Variants in LRP6 observed in about 807,000 individuals in gnomAD.
The protein encoded by LRP6 is low-density lipoprotein receptor-related protein 6.
LRP6 carries 43 observed loss-of-function variants against 184.1 expected under a neutral mutation model. The ratio of observed to expected loss-of-function variants is 0.23; its 90% CI spans 0.18 to 0.30. The LOEUF is 0.30. LRP6 is among the 10% of genes least tolerant of loss of function. The pLI is 1.00. For missense variants in LRP6, 1,571 were observed against 2,005.3 expected (o/e 0.78, Z 4.14); for synonymous variants, 719 against 684.9 (o/e 1.05, Z -0.78).
chr12:12,184,082 C>A lies in LRP6; in HGVS notation c.874G>T (p.Gly292Cys), dbSNP rs750252397. The change falls in exon 5 of 23, where the codon GGT (glycine) becomes TGT (cysteine). Residue 292 changes from glycine (G) to cysteine (C), a missense_variant. Physicochemically the swap from Gly to Cys is radical, Grantham distance 159. Transcript: ENST00000261349. Reference protein sequence around the residue: ...ATNPCGIDNGGCSHLCLMSPV... With the variant: ...ATNPCGIDNGCCSHLCLMSPV... ...GACATCAAACACAAATGGGAACAAC[C>A]CCCATTGTCAATTCCACATGGATTT... 6.2e-7 allele frequency: 1 copy of A among 1,613,462 alleles called. No homozygotes were observed. The highest frequency in any genetic ancestry group is 2.2e-5 in the East Asian group (1 of 44,850).
intron 3 of LRP6, among the ~76,000 whole-genome samples, chr12:12,196,041 C>T (rs189387973): frequency 2.0e-4 from 31 of 152,106 alleles, no homozygotes; most frequent in Admixed American, 1.5e-3. Context: ...TCTGTTCCAT[C>T]GGTGTATGTT....
Position 12,203,370 on chromosome 12 carries a change from C to T in LRP6, c.480G>A (p.Val160=), listed in dbSNP as rs1352497913. Residue 160 remains valine, a synonymous_variant, in exon 3 of 23, where the codon GTG becomes GTA. Coordinates refer to ENST00000261349, the MANE Select transcript of LRP6 (RefSeq NM_002336.3). ...GFMYWTDWGE[V]PKIERAGMDG... ...CCATTCCAGCACGTTCTATCTTTGGCACTTCTCCCCAGTCTGTCCAGTACA... is the reference window on the plus strand; with the variant it reads ...CCATTCCAGCACGTTCTATCTTTGGTACTTCTCCCCAGTCTGTCCAGTACA... 6.2e-7 allele frequency: 1 copy of T among 1,613,900 alleles called. No individual in the cohort carries two copies. The highest frequency in any genetic ancestry group is 8.5e-7 in the Non-Finnish European group (1 of 1,179,806).
At position 12,244,392 on chromosome 12, in the gene LRP6, C is replaced by T. The variant is rs368162953; in HGVS notation, c.319G>A (p.Glu107Lys). The change falls in exon 2 of 23, where the codon GAA (glutamate) becomes AAA (lysine). Residue 107 changes from glutamate (E) to lysine (K), a missense_variant. Coordinates refer to ENST00000261349, the MANE Select transcript of LRP6 (RefSeq NM_002336.3). ...PDGLACDWLG[E>K]KLYWTDSETN... ...TCAGAATCTGTCCAGTACAATTTTT[C>T]TCCAAGCCAATCACATGCCAGCCCA... 13 of 1,614,214 alleles carry T rather than the reference C, an allele frequency of 8.1e-6. No homozygotes were observed. The highest frequency in any genetic ancestry group is 1.1e-5 in the Non-Finnish European group (13 of 1,180,036).
Position 12,128,420 on chromosome 12 carries a change from T to C in LRP6, c.4082-1499A>G, listed in dbSNP as rs73053353. Among the ~76,000 whole-genome samples the C allele has an allele frequency of 8.4e-3, 1,282 of 152,356 alleles. 9 individuals carry two copies. Among genetic ancestry groups the C allele is most frequent in the South Asian group, 0.017 (84 of 4,828 alleles). The stretch of plus-strand genomic sequence containing the variant: ...CTCTTCTTACTGTCCTGGGAGATTC[T>C]ATCTACTGTCACAGCTTTCATTATT... On this transcript the variant is annotated intron_variant, in intron 19 of 22. Transcript: ENST00000261349.
intron 2 of LRP6, among the ~76,000 whole-genome samples, chr12:12,217,560 G>C (rs1266233667): frequency 6.6e-6 from 1 of 152,098 alleles, no homozygotes; most frequent in Non-Finnish European, 1.5e-5. Context: ...GTGCCAAAAA[G>C]GTAAGGGACC....
At chr12:12,151,084 T>A in intron 12 of LRP6, 46 bp from the exon 13 acceptor site, 1 of 1,395,392 alleles carries the variant, frequency 7.2e-7, no homozygotes, top group Non-Finnish European at 1.0e-6. Flanking sequence ...TTACCCTACA[T>A]CCTCTATCAT....
intron 7 of LRP6, among the ~76,000 whole-genome samples, chr12:12,170,801 A>T (rs1863015121): frequency 6.9e-6 from 1 of 145,840 alleles, no homozygotes; most frequent in African/African-American, 2.7e-5. Flanking sequence ...TCACACACAC[A>T]CACACACACA....
chr12:12,150,727 C>T, intron 13 of LRP6, 109 bp downstream of exon 13: 3 of 1,144,394 alleles, frequency 2.6e-6, no homozygotes, highest in Non-Finnish European at 4.0e-6. Context: ...CAGTTTCATA[C>T]ACACATACAC....
At chr12:12,190,057 T>G (rs1206982673) in intron 3 of LRP6, among the ~76,000 whole-genome samples, 1 of 152,160 alleles carries the variant, frequency 6.6e-6, no homozygotes, top group Non-Finnish European at 1.5e-5. Flanking sequence ...GGATGCTTGA[T>G]AAAATTAAAT....
At position 12,150,772 on chromosome 12, in the gene LRP6, A is replaced by G. The variant is rs1950070584; in HGVS notation, c.2994+64T>C. The G allele has an allele frequency of 3.2e-6, 5 of 1,544,008 alleles. No individual in the cohort carries two copies. The Admixed American group carries it at 8.3e-5, about 26-fold the overall frequency. ...AGCAGAGTCAAGACTTAAGTGAAAC[A>G]GAGTGGTTGGTGAGTCCAGTTATTA... On this transcript the variant is annotated intron_variant, in intron 13 of 22. Transcript: ENST00000261349.
intron 15 of LRP6, among the ~76,000 whole-genome samples, chr12:12,145,513 CCCCT>C (rs565480325): frequency 7.7e-4 from 111 of 143,848 alleles, no homozygotes; most frequent in African/African-American, 2.3e-3. Flanking sequence ...TCTCCTCTCT[CCCCT>C]CCCTCCCTCC....
chr12:12,266,801 C>T lies in LRP6; in HGVS notation c.-66G>A, dbSNP rs893413830. 6 of 1,355,876 alleles carry T rather than the reference C, an allele frequency of 4.4e-6. No individual in the cohort carries two copies. Among genetic ancestry groups the T allele is most frequent in the Admixed American group, 1.9e-5 (1 of 52,412 alleles). 84.0% of individuals were successfully genotyped at this position (1,355,876 alleles called of 1,614,324 possible). On this transcript the variant is annotated 5_prime_UTR_variant, in exon 1 of 23. Coordinates refer to ENST00000261349, the MANE Select transcript of LRP6 (RefSeq NM_002336.3). ...GCCAGAAGTGGGGGAGGCGAGGAGC[C>T]GGGGCGGCCGCCGCAGCGGCAGGGC...
In LRP6 at chr12:12,154,135, C is replaced by T. The variant is rs1950118176; in HGVS notation, c.2792-3097G>A. 2.0e-5 allele frequency among the ~76,000 whole-genome samples: 3 copies of T among 152,182 alleles called. No homozygotes were observed. The South Asian group carries it at 6.2e-4, about 32-fold the overall frequency. On this transcript the variant is annotated intron_variant, in intron 12 of 22. Transcript: ENST00000261349. ...TACACAATCTGGCTTCCCATTTCCT[C>T]TCTGATCTAATTTCTTTATTCACTT... is the stretch of plus-strand genomic sequence containing the variant.
chr12:12,177,881 CGAAT>C (rs1405213285), intron 7 of LRP6, among the ~76,000 whole-genome samples: 2 of 151,310 alleles, frequency 1.3e-5, no homozygotes, highest in African/African-American at 2.4e-5. Flanking sequence ...ATTAAAAGAA[CGAAT>C]GAATGAAGGA....
At position 12,147,460 on chromosome 12, in the gene LRP6, T is replaced by C. The variant is rs753946248; in HGVS notation, c.3303A>G (p.Leu1101=). 5.0e-6 allele frequency: 8 copies of C among 1,614,096 alleles called. No individual in the cohort carries two copies. The East Asian group carries it at 1.6e-4, about 31-fold the overall frequency. Residue 1101 remains leucine, a synonymous_variant, in exon 15 of 23, where the codon TTA becomes TTG. Transcript: ENST00000261349. ...CAAGGGCTAAAGCAATTGGTTTACT[T>C]AAGCCACTGAAAAAGAGGACCTCCC... ...TEREVLFFSG[L]SKPIALALDS... is the part of the protein sequence containing the mutation.
At chr12:12,249,242 A>C in intron 1 of LRP6, 1 of 901,220 alleles carries the variant, frequency 1.1e-6, no homozygotes, top group Non-Finnish European at 1.8e-6. Flanking sequence ...TAAGATTTGT[A>C]ACAAAAAATT....
At chr12:12,152,518 C>T (rs2136922891) in intron 12 of LRP6, among the ~76,000 whole-genome samples, 1 of 152,218 alleles carries the variant, frequency 6.6e-6, no homozygotes, top group East Asian at 1.9e-4. Flanking sequence ...AACTCCTGAC[C>T]TCGTGATCCA....
At position 12,244,315 on chromosome 12, in the gene LRP6, T is replaced by C. The variant is rs749904481; in HGVS notation, c.396A>G (p.Leu132=). 4 of 1,614,156 alleles carry C rather than the reference T, an allele frequency of 2.5e-6. No individual in the cohort carries two copies. Among genetic ancestry groups the C allele is most frequent in the South Asian group, 2.2e-5 (2 of 91,084 alleles). ...TGGGTTGATCCAACTCTTGCCAAAATAAAACTTTTCGTAAAGATCCATCTA... is the reference window on the plus strand; with the variant it reads ...TGGGTTGATCCAACTCTTGCCAAAACAAAACTTTTCGTAAAGATCCATCTA... ...SNLDGSLRKV[L]FWQELDQPRA... The change falls in exon 2 of 23, where the codon TTA becomes TTG. Residue 132 remains leucine, a synonymous_variant. Coordinates refer to ENST00000261349, the MANE Select transcript of LRP6 (RefSeq NM_002336.3).
chr12:12,266,645 A>C, intron 1 of LRP6, 36 bp downstream of exon 1: 1 of 1,594,004 alleles, frequency 6.3e-7, no homozygotes, highest in East Asian at 2.3e-5. Flanking sequence ...CTCCCCCCGA[A>C]CCCCACCAAC....
Sources: gnomAD v4.1 joint callset for allele counts (sites outside exome capture counted in the v4.1 genomes callset) on GRCh38, gnomAD v4.1.1 for gene constraint, MANE v1.5 for transcripts, NCBI Gene and HGNC (gene_info 2026-07-23, HGNC 2026-07-21) for gene names.